The following NEGR1 variants were observed in gnomAD, a reference collection of about 807,000 sequenced individuals.
NEGR1 encodes neuronal growth regulator 1.
In NEGR1, 10 loss-of-function variants were observed where a neutral mutation model predicts 40.9. The observed-to-expected ratio is 0.24, with a 90% CI of 0.15 to 0.42. The LOEUF (loss-of-function observed/expected upper bound fraction) is 0.42. Among genes scored for constraint, NEGR1 ranks in the 10% least tolerant of loss-of-function variants. The pLI is 1.00. For missense variants in NEGR1, 352 were observed against 438.9 expected, an observed-to-expected ratio of 0.80 and a Z score of 1.77; for synonymous variants, 185 against 166.8, an observed-to-expected ratio of 1.11 and a Z score of -0.84.
intron 4 of NEGR1, among the ~76,000 whole-genome samples, chr1:71,656,569 T>C (rs1044372085): frequency 2.6e-5 from 4 of 152,110 alleles, no homozygotes; most frequent in East Asian, 1.9e-4. Context: ...CCCGCCACCG[T>C]GCCCGTCTAA....
intron 1 of NEGR1, among the ~76,000 whole-genome samples, chr1:71,954,810 A>T (rs1646105489): frequency 6.6e-6 from 1 of 152,096 alleles, no homozygotes; most frequent in African/African-American, 2.4e-5. Flanking sequence ...TCCTAATAAA[A>T]AGTACTGCAG....
chr1:71,762,264 G>T (rs1340016532), intron 3 of NEGR1, among the ~76,000 whole-genome samples: 1 of 144,636 alleles, frequency 6.9e-6, no homozygotes, highest in Non-Finnish European at 1.5e-5. Flanking sequence ...AAACAAAAAT[G>T]AGAGGCAACA....
chr1:71,754,359 G>A (rs954538077), intron 3 of NEGR1, among the ~76,000 whole-genome samples: 2 of 152,052 alleles, frequency 1.3e-5, no homozygotes, highest in Non-Finnish European at 2.9e-5. Context: ...ATACATTAGC[G>A]TTTCAGTGTT....
At chr1:72,112,990 T>C (rs1266352178) in intron 1 of NEGR1, among the ~76,000 whole-genome samples, 1 of 151,792 alleles carries the variant, frequency 6.6e-6, no homozygotes, top group Non-Finnish European at 1.5e-5. Flanking sequence ...TACTTCTTTT[T>C]GGCAAGAAGT....
rs1400547262 is a variant in NEGR1 at position 72,040,015 on chromosome 1, C to T, written c.177-104704G>A. 4.6e-5 allele frequency among the ~76,000 whole-genome samples: 7 copies of T among 152,002 alleles called. 1 individual carries two copies. In the South Asian group the frequency reaches 1.5e-3, roughly 32 times the overall value. On this transcript the variant is annotated intron_variant, in intron 1 of 6. Transcript: ENST00000357731. The stretch of plus-strand genomic sequence containing the variant: ...CACAGCTGTGATAAAAAATACGTGT[C>T]TAATGTGAGGCTGAGAATAAACAAT...
At chr1:71,636,104 T>G (rs528502461) in intron 4 of NEGR1, among the ~76,000 whole-genome samples, 40 of 152,196 alleles carry the variant, frequency 2.6e-4, no homozygotes, top group Non-Finnish European at 4.7e-4. Flanking sequence ...TATTTTTGAA[T>G]AGCAATCCTA....
chr1:71,509,428 C>A (rs1342177674), intron 6 of NEGR1, among the ~76,000 whole-genome samples: 1 of 152,170 alleles, frequency 6.6e-6, no homozygotes. Flanking sequence ...TGACTTGTAC[C>A]CACATCCGAC....
intron 1 of NEGR1, among the ~76,000 whole-genome samples, chr1:72,224,459 A>C (rs1281024645): frequency 6.6e-6 from 1 of 152,116 alleles, no homozygotes; most frequent in African/African-American, 2.4e-5. Context: ...TTCCATGCAC[A>C]AGACACACAA....
chr1:71,978,692 A>G (rs1646328689), intron 1 of NEGR1, among the ~76,000 whole-genome samples: 1 of 152,178 alleles, frequency 6.6e-6, no homozygotes, highest in South Asian at 2.1e-4. Context: ...TTATTATTAA[A>G]AAATCAAAAA....
chr1:72,123,408 C>T (rs891692045), intron 1 of NEGR1, among the ~76,000 whole-genome samples: 5 of 151,188 alleles, frequency 3.3e-5, no homozygotes, highest in Non-Finnish European at 5.9e-5. Flanking sequence ...TGTTTAAAAC[C>T]GTATAACTAA....
chr1:71,792,120 T>G (rs1371085524), intron 2 of NEGR1, among the ~76,000 whole-genome samples: 1 of 152,172 alleles, frequency 6.6e-6, no homozygotes, highest in African/African-American at 2.4e-5. Flanking sequence ...AGTGTATTCC[T>G]TCTGAGGGCC....
chr1:71,749,030 G>T (rs1294839178), intron 3 of NEGR1, among the ~76,000 whole-genome samples: 1 of 152,120 alleles, frequency 6.6e-6, no homozygotes, highest in Non-Finnish European at 1.5e-5. Context: ...TTGAGAACTT[G>T]TTAACTTAAA....
intron 1 of NEGR1, among the ~76,000 whole-genome samples, chr1:72,199,382 T>C (rs1272690337): frequency 6.6e-6 from 1 of 152,008 alleles, no homozygotes; most frequent in Non-Finnish European, 1.5e-5. Context: ...ATTTTAAAAA[T>C]ATGGGCATTG....
intron 4 of NEGR1, among the ~76,000 whole-genome samples, chr1:71,641,054 A>C (rs915139429): frequency 6.6e-6 from 1 of 152,074 alleles, no homozygotes; most frequent in Non-Finnish European, 1.5e-5. Context: ...AAACCACACA[A>C]CAAAGTATGT....
At chr1:71,594,000 A>G (rs760915554) in intron 5 of NEGR1, among the ~76,000 whole-genome samples, 5 of 152,208 alleles carry the variant, frequency 3.3e-5, no homozygotes, top group Non-Finnish European at 5.9e-5. Flanking sequence ...CTAAATGCAC[A>G]TGCTTTCTCT....
chr1:72,151,010 G>T lies in NEGR1; in HGVS notation c.176+131309C>A, dbSNP rs1432574562. On this transcript the variant is annotated intron_variant, in intron 1 of 6. Transcript: ENST00000357731. ...AAATAAACAAATAAACAACAGAAAG[G>T]AAAAATGAAAAAAGAGAAAAATAAC... is the stretch of plus-strand genomic sequence containing the variant. Among the ~76,000 whole-genome samples the T allele has an allele frequency of 2.0e-5, 3 of 151,542 alleles. No individual in the cohort carries two copies. In the South Asian group the frequency reaches 6.2e-4, roughly 31 times the overall value.
chr1:72,246,916 A>T (rs1175144335), intron 1 of NEGR1, among the ~76,000 whole-genome samples: 1 of 152,220 alleles, frequency 6.6e-6, no homozygotes, highest in Admixed American at 6.5e-5. Context: ...TACATTCTGC[A>T]CACATACAGG....
At chr1:72,248,764 G>C (rs974318468) in intron 1 of NEGR1, among the ~76,000 whole-genome samples, 1 of 143,976 alleles carries the variant, frequency 6.9e-6, no homozygotes, top group Non-Finnish European at 1.5e-5. Context: ...TCTATTTTTA[G>C]TAGAAACATG....
chr1:72,161,332 C>A (rs1651550663), intron 1 of NEGR1, among the ~76,000 whole-genome samples: 1 of 151,968 alleles, frequency 6.6e-6, no homozygotes, highest in African/African-American at 2.4e-5. Flanking sequence ...TGGAGTATTT[C>A]TGGTGTTAGA....
Sources: gnomAD v4.1 joint callset for allele counts (sites outside exome capture counted in the v4.1 genomes callset) on GRCh38, gnomAD v4.1.1 for gene constraint, MANE v1.5 for transcripts, NCBI Gene and HGNC (gene_info 2026-07-23, HGNC 2026-07-21) for gene names.